Variants in FHIT observed in about 807,000 individuals in gnomAD.
The protein encoded by FHIT is bis(5'-adenosyl)-triphosphatase.
FHIT carries 19 observed loss-of-function variants against 17.9 expected under a neutral mutation model. The ratio of observed to expected loss-of-function variants is 1.06; its 90% confidence interval spans 0.74 to 1.56. FHIT has a LOEUF of 1.56. Ranked by LOEUF, FHIT falls within the 40% of genes most tolerant of loss-of-function variation. The probability of loss-of-function intolerance (pLI) is 0.00; values close to 1 mark genes in which losing one functional copy is unlikely to be tolerated. For missense variants in FHIT, 248 were observed against 189.2 expected (o/e 1.31, Z -1.82); for synonymous variants, 81 against 69.7 (o/e 1.16, Z -0.81).
chr3:59,839,304 C>T (rs1209139112), intron 8 of FHIT, among the ~76,000 whole-genome samples: 3 of 136,124 alleles, frequency 2.2e-5, no homozygotes, highest in South Asian at 2.6e-4. Flanking sequence ...GGCAACAGAG[C>T]GAGACTTCAT....
intron 8 of FHIT, among the ~76,000 whole-genome samples, chr3:59,909,657 T>C (rs1341204646): frequency 6.6e-6 from 1 of 152,130 alleles, no homozygotes; most frequent in African/African-American, 2.4e-5. Flanking sequence ...CCTCTTTGGG[T>C]GTTTCAGCTA....
chr3:60,230,306 G>A (rs1704430201), intron 5 of FHIT, among the ~76,000 whole-genome samples: 2 of 152,036 alleles, frequency 1.3e-5, no homozygotes, highest in South Asian at 2.1e-4. Context: ...CAAATAATAA[G>A]AGAAAATGCA....
At chr3:61,242,032 T>C (rs2040385186) in intron 1 of FHIT, among the ~76,000 whole-genome samples, 1 of 152,100 alleles carries the variant, frequency 6.6e-6, no homozygotes, top group African/African-American at 2.4e-5. Context: ...GTTCAGGAAA[T>C]GCTGAAAAAT....
chr3:60,674,067 A>C (rs936268833), intron 4 of FHIT, among the ~76,000 whole-genome samples: 2 of 152,052 alleles, frequency 1.3e-5, no homozygotes, highest in African/African-American at 4.8e-5. Flanking sequence ...TTTGCCCCAC[A>C]GATCACTGAA....
chr3:61,203,684 C>T lies in FHIT; in HGVS notation c.-212-3019G>A, dbSNP rs144179972. Among the ~76,000 whole-genome samples, 11 of 152,070 alleles carry T rather than the reference C, an allele frequency of 7.2e-5. No individual in the cohort carries two copies. The East Asian group carries it at 2.1e-3, about 29-fold the overall frequency. ...AAAACAAAACAATTTTTAGCATTTGCCAATAAAGTGAAACTGAGTGGTTTA... is the reference window on the plus strand; with the variant it reads ...AAAACAAAACAATTTTTAGCATTTGTCAATAAAGTGAAACTGAGTGGTTTA... On this transcript the variant is annotated intron_variant, in intron 1 of 9. Transcript: ENST00000492590.
chr3:60,227,632 C>A (rs533616066), intron 5 of FHIT, among the ~76,000 whole-genome samples: 1 of 152,244 alleles, frequency 6.6e-6, no homozygotes, highest in South Asian at 2.1e-4. Context: ...ACATTTACCT[C>A]CAATTAGGTA....
chr3:60,876,072 A>G (rs1277887673), intron 3 of FHIT, among the ~76,000 whole-genome samples: 1 of 152,004 alleles, frequency 6.6e-6, no homozygotes, highest in African/African-American at 2.4e-5. Flanking sequence ...TGACTTCATA[A>G]CTTTACAGTG....
At chr3:60,985,894 C>T (rs931889705) in intron 3 of FHIT, among the ~76,000 whole-genome samples, 3 of 152,144 alleles carry the variant, frequency 2.0e-5, no homozygotes, top group African/African-American at 7.2e-5. Context: ...GGGTAGAATC[C>T]ATTTTTTTGG....
intron 5 of FHIT, among the ~76,000 whole-genome samples, chr3:60,200,048 G>T (rs534357945): frequency 6.6e-6 from 1 of 152,230 alleles, no homozygotes; most frequent in East Asian, 1.9e-4. Context: ...TCAGAAGAGG[G>T]TGATCAAGAA....
chr3:60,354,963 T>C (rs926092933), intron 5 of FHIT, among the ~76,000 whole-genome samples: 15 of 152,220 alleles, frequency 9.9e-5, no homozygotes, highest in African/African-American at 3.4e-4. Context: ...AGTAAATTTA[T>C]GTTTTAGTTA....
At chr3:60,719,846 G>C (rs901472390) in intron 4 of FHIT, among the ~76,000 whole-genome samples, 4 of 152,144 alleles carry the variant, frequency 2.6e-5, no homozygotes, top group Non-Finnish European at 5.9e-5. Context: ...ATCCTTACCT[G>C]TCTCTTTCCC....
At chr3:61,181,240 G>C (rs1031783251) in intron 2 of FHIT, among the ~76,000 whole-genome samples, 11 of 152,066 alleles carry the variant, frequency 7.2e-5, no homozygotes, top group Admixed American at 6.6e-5. Context: ...GGCAATAATA[G>C]TAACATTATA....
chr3:60,483,371 A>G (rs2033699023), intron 5 of FHIT, among the ~76,000 whole-genome samples: 1 of 152,202 alleles, frequency 6.6e-6, no homozygotes, highest in Non-Finnish European at 1.5e-5. Flanking sequence ...GAGGAGACAC[A>G]GTGAAAAAAG....
At chr3:60,586,605 T>A (rs570415873) in intron 4 of FHIT, among the ~76,000 whole-genome samples, 1 of 151,972 alleles carries the variant, frequency 6.6e-6, no homozygotes, top group African/African-American at 2.4e-5. Flanking sequence ...TGCCCAGCAA[T>A]GATAGACTGA....
intron 2 of FHIT, among the ~76,000 whole-genome samples, chr3:61,196,300 G>C (rs1373073314): frequency 6.6e-6 from 1 of 151,960 alleles, no homozygotes; most frequent in African/African-American, 2.4e-5. Context: ...AAACAATGTA[G>C]ATACACTGCT....
At position 60,166,955 on chromosome 3, in the gene FHIT, G is replaced by A. The variant is rs949380428; in HGVS notation, c.104-152803C>T. On this transcript the variant is annotated intron_variant, in intron 5 of 9. Transcript: ENST00000492590. ...CCTTATCCATGTGGCTGACAGTCCA[G>A]TTGCTCTAGTCATGCACCTGTGAGA... Among the ~76,000 whole-genome samples the A allele has an allele frequency of 2.6e-5, 4 of 152,232 alleles. No homozygotes were observed. In the East Asian group the frequency reaches 5.8e-4, roughly 22 times the overall value.
chr3:59,797,795 C>T (rs926447591), intron 8 of FHIT, among the ~76,000 whole-genome samples: 7 of 152,028 alleles, frequency 4.6e-5, no homozygotes, highest in African/African-American at 1.7e-4. Context: ...GGATTTTTTC[C>T]GTGAAATTAA....
chr3:60,345,643 C>T (rs965332336), intron 5 of FHIT, among the ~76,000 whole-genome samples: 1 of 152,160 alleles, frequency 6.6e-6, no homozygotes, highest in East Asian at 1.9e-4. Flanking sequence ...AGTAGACTAT[C>T]GTCTCAAGAT....
intron 5 of FHIT, among the ~76,000 whole-genome samples, chr3:60,091,924 T>C (rs375978157): frequency 1.6e-4 from 24 of 152,112 alleles, no homozygotes; most frequent in African/African-American, 5.1e-4. Flanking sequence ...AATTACCCAG[T>C]CTCAGATATT....
Sources: gnomAD v4.1 joint callset for allele counts (sites outside exome capture counted in the v4.1 genomes callset) on GRCh38, gnomAD v4.1.1 for gene constraint, MANE v1.5 for transcripts, NCBI Gene and HGNC (gene_info 2026-07-23, HGNC 2026-07-21) for gene names.